The following MCU variants were observed in gnomAD, a reference collection of about 807,000 sequenced individuals.
MCU encodes the protein calcium uniporter protein, mitochondrial.
A neutral mutation model predicts 45.2 loss-of-function variants in MCU; 12 were observed. The observed-to-expected ratio is 0.27, with a 90% confidence interval of 0.17 to 0.43. The LOEUF (loss-of-function observed/expected upper bound fraction) is 0.43. Among genes scored for constraint, MCU ranks in the 20% least tolerant of loss-of-function variants. The pLI, the probability that MCU is intolerant of heterozygous loss-of-function variation, is 1.00. For missense variants in MCU, 324 were observed against 436.7 expected, an observed-to-expected ratio of 0.74 and a Z score of 2.30; for synonymous variants, 160 against 165.1, an observed-to-expected ratio of 0.97 and a Z score of 0.24.
chr10:72,842,187 A>G (rs751330544), intron 2 of MCU, among the ~76,000 whole-genome samples: 6 of 152,214 alleles, frequency 3.9e-5, no homozygotes, highest in Admixed American at 6.5e-5. Flanking sequence ...ATGGACAACC[A>G]TGTGAATTTT....
intron 2 of MCU, among the ~76,000 whole-genome samples, chr10:72,852,515 AC>A (rs1415260967): frequency 6.6e-6 from 1 of 152,224 alleles, no homozygotes; most frequent in African/African-American, 2.4e-5. Flanking sequence ...ATCTGAAACA[AC>A]TGTTTTCAGA....
intron 5 of MCU, 34 bp downstream of exon 5, chr10:72,868,897 C>A (rs1845499072): frequency 9.4e-6 from 15 of 1,602,166 alleles, no homozygotes; most frequent in Non-Finnish European, 1.2e-5. Flanking sequence ...TTTACCTTAA[C>A]CTGTATTTTT....
chr10:72,791,393 T>C (rs1203471121), intron 1 of MCU, among the ~76,000 whole-genome samples: 1 of 152,218 alleles, frequency 6.6e-6, no homozygotes, highest in Non-Finnish European at 1.5e-5. Flanking sequence ...TTTTGATTTT[T>C]ACTCTCTTCA....
At chr10:72,702,395 A>G (rs1022992318) in intron 1 of MCU, among the ~76,000 whole-genome samples, 2 of 152,208 alleles carry the variant, frequency 1.3e-5, no homozygotes, top group African/African-American at 2.4e-5. Flanking sequence ...GCAAAATACT[A>G]TTCCCATTGT....
chr10:72,855,897 G>A (rs1845283190), intron 2 of MCU, among the ~76,000 whole-genome samples: 1 of 152,086 alleles, frequency 6.6e-6, no homozygotes, highest in African/African-American at 2.4e-5. Flanking sequence ...AAAAGGATAG[G>A]GAAAGATATA....
At chr10:72,708,322 G>A (rs1312856221) in intron 1 of MCU, 1 of 152,246 alleles carries the variant, frequency 6.6e-6, no homozygotes, top group African/African-American at 2.4e-5. Context: ...AGCCCAGAGA[G>A]TTGGAGAGTT....
intron 2 of MCU, among the ~76,000 whole-genome samples, chr10:72,858,191 C>T (rs1484474909): frequency 6.6e-6 from 1 of 152,172 alleles, no homozygotes; most frequent in Non-Finnish European, 1.5e-5. Flanking sequence ...AATATACATA[C>T]TCAGTACGCT....
At chr10:72,808,499 C>G (rs1844489068) in intron 1 of MCU, among the ~76,000 whole-genome samples, 1 of 152,150 alleles carries the variant, frequency 6.6e-6, no homozygotes, top group Non-Finnish European at 1.5e-5. Context: ...GGAAATAAGA[C>G]TCTAGTAACA....
At chr10:72,848,300 G>T (rs1255412226) in intron 2 of MCU, among the ~76,000 whole-genome samples, 2 of 152,134 alleles carry the variant, frequency 1.3e-5, no homozygotes, top group Non-Finnish European at 2.9e-5. Flanking sequence ...ATGAAGAAAA[G>T]ATTGATTTGG....
chr10:72,861,576 AC>A (rs1845376147), intron 4 of MCU: 11 of 318,982 alleles, frequency 3.4e-5, no homozygotes, highest in South Asian at 2.7e-4. Context: ...CGGACTCTTG[AC>A]CTCAGGTGAT....
At chr10:72,715,794 C>T (rs1425456334) in intron 1 of MCU, 28 of 854,630 alleles carry the variant, frequency 3.3e-5, no homozygotes, top group East Asian at 1.2e-4. Flanking sequence ...TATAAATTAA[C>T]ACATCCCCTG....
At chr10:72,850,192 C>G (rs1032300416) in intron 2 of MCU, among the ~76,000 whole-genome samples, 2 of 152,096 alleles carry the variant, frequency 1.3e-5, no homozygotes, top group African/African-American at 2.4e-5. Context: ...TCTAACGTTA[C>G]TAGACTCTGT....
chr10:72,772,400 T>C (rs1843824462), intron 1 of MCU, among the ~76,000 whole-genome samples: 1 of 152,100 alleles, frequency 6.6e-6, no homozygotes, highest in South Asian at 2.1e-4. Flanking sequence ...ATACATCTAA[T>C]AAAAATCAAA....
intron 1 of MCU, among the ~76,000 whole-genome samples, chr10:72,742,846 G>C (rs557342203): frequency 2.6e-5 from 4 of 152,276 alleles, no homozygotes; most frequent in African/African-American, 9.6e-5. Flanking sequence ...TAGAGTGGCA[G>C]CTTGCTCTTT....
At chr10:72,807,440 A>C (rs1268813522) in intron 1 of MCU, among the ~76,000 whole-genome samples, 1 of 152,080 alleles carries the variant, frequency 6.6e-6, no homozygotes, top group African/African-American at 2.4e-5. Context: ...TAAGCCAAGA[A>C]GACTAATGAA....
chr10:72,718,331 A>G (rs1411071369), intron 1 of MCU, among the ~76,000 whole-genome samples: 1 of 152,216 alleles, frequency 6.6e-6, no homozygotes, highest in Non-Finnish European at 1.5e-5. Context: ...AAATTTTAGC[A>G]TCATCAATTT....
At chr10:72,716,610 G>A (rs953774964) in intron 1 of MCU, among the ~76,000 whole-genome samples, 3 of 152,086 alleles carry the variant, frequency 2.0e-5, no homozygotes, top group Non-Finnish European at 2.9e-5. Flanking sequence ...TAGGCTGGGC[G>A]TGGTAGCTCA....
At chr10:72,712,803 C>T (rs895299198) in intron 1 of MCU, among the ~76,000 whole-genome samples, 1 of 152,232 alleles carries the variant, frequency 6.6e-6, no homozygotes, top group African/African-American at 2.4e-5. Context: ...ATTTTATCTT[C>T]TCAATTTCAT....
At chr10:72,763,183 A>T (rs1486091842) in intron 1 of MCU, among the ~76,000 whole-genome samples, 1 of 152,184 alleles carries the variant, frequency 6.6e-6, no homozygotes, top group Admixed American at 6.5e-5. Context: ...TCATTTTTAC[A>T]TCAAAGTCCT....
Sources: allele counts gnomAD v4.1 joint callset (sites outside exome capture counted in the v4.1 genomes callset), GRCh38; gene constraint gnomAD v4.1.1; transcripts MANE v1.5; gene names NCBI Gene and HGNC (gene_info 2026-07-23, HGNC 2026-07-21).